SYNE1: variants seen among roughly 807,000 people sequenced by gnomAD.
SYNE1 encodes spectrin repeat containing nuclear envelope protein 1.
SYNE1 carries 616 observed loss-of-function variants against 1,111.0 expected under a neutral mutation model. That is an observed-to-expected ratio of 0.55 (90% CI 0.52 to 0.59). SYNE1 has a LOEUF of 0.59. SYNE1 is among the 20% of genes least tolerant of loss of function. SYNE1 has a pLI of 0.00. For synonymous variants in SYNE1, 3,855 were observed against 3,825.8 expected (o/e 1.01, Z -0.28); for missense variants, 10,006 against 10,417.0 (o/e 0.96, Z 1.72).
At chr6:152,189,550 G>A in intron 127 of SYNE1, 143 bp from the exon 128 acceptor site, 2 of 741,684 alleles carry the variant, frequency 2.7e-6, no homozygotes, top group Non-Finnish European at 2.2e-6. Context: ...GCACATCATG[G>A]CAATATTACA....
Position 152,505,321 on chromosome 6 carries a change from T to C in SYNE1, c.658A>G (p.Ile220Val), listed in dbSNP as rs146053885. 1.9e-6 allele frequency: 3 copies of C among 1,614,158 alleles called. No homozygotes were observed. The highest frequency in any genetic ancestry group is 8.5e-7 in the Non-Finnish European group (1 of 1,180,010). Residue 220 changes from isoleucine (I) to valine (V), a missense_variant, in exon 9 of 146, where the codon ATT becomes GTT. Ile to Val is a conservative substitution (Grantham distance 29, BLOSUM62 3). Transcript: ENST00000367255. ...GVAFHSVIHAIRPELVDLETV... is the reference protein window; with the variant it reads ...GVAFHSVIHAVRPELVDLETV... ...TCCAAGTCCACCAATTCCGGTCGAA[T>C]GGCATGAATAACTGAATGAAAGGCA...
chr6:152,355,020 C>T (rs757814741), intron 66 of SYNE1, 44 bp from the exon 67 acceptor site: 27 of 1,605,336 alleles, frequency 1.7e-5, no homozygotes, highest in Non-Finnish European at 2.0e-5. Flanking sequence ...TCATATTTCA[C>T]ACTTGCATGG....
At chr6:152,433,667 A>G in intron 34 of SYNE1, 128 bp downstream of exon 34, 1 of 1,117,286 alleles carries the variant, frequency 9.0e-7, no homozygotes, top group Admixed American at 1.9e-5. Flanking sequence ...AAAATGTATG[A>G]ATTTAATTTT....
chr6:152,425,168 C>T (rs1017868339), intron 39 of SYNE1, among the ~76,000 whole-genome samples: 1 of 152,130 alleles, frequency 6.6e-6, no homozygotes, highest in Non-Finnish European at 1.5e-5. Flanking sequence ...ATAACTTGCC[C>T]TTATTTTAAG....
chr6:152,325,905 A>C, intron 80 of SYNE1, 53 bp downstream of exon 80: 1 of 1,599,448 alleles, frequency 6.3e-7, no homozygotes, highest in South Asian at 1.1e-5. Context: ...TGTTGCAAAG[A>C]CTCATTATAA....
At chr6:152,184,645 T>C (rs2069215879) in intron 128 of SYNE1, among the ~76,000 whole-genome samples, 1 of 144,864 alleles carries the variant, frequency 6.9e-6, no homozygotes, top group African/African-American at 2.6e-5. Flanking sequence ...GATAGATAGA[T>C]AGATAGATAG....
chr6:152,379,626 A>G (rs78877052), intron 56 of SYNE1, among the ~76,000 whole-genome samples: 133 of 152,306 alleles, frequency 8.7e-4, no homozygotes, highest in African/African-American at 3.0e-3. Context: ...TATTAGAAAT[A>G]AAAGAAAACA....
intron 3 of SYNE1, among the ~76,000 whole-genome samples, chr6:152,605,026 GAGAGA>G (rs2099609790): frequency 1.4e-5 from 1 of 73,246 alleles, no homozygotes; most frequent in African/African-American, 6.3e-5. Context: ...GAGAGAGAGA[GAGAGA>G]GAGAGGGAGG....
chr6:152,376,671 T>G, intron 57 of SYNE1, 105 bp downstream of exon 57: 1 of 1,558,334 alleles, frequency 6.4e-7, no homozygotes, highest in Admixed American at 1.7e-5. Flanking sequence ...CTTAGTAATA[T>G]ATTTAATGCT....
intron 3 of SYNE1, among the ~76,000 whole-genome samples, chr6:152,575,491 T>A (rs2099492696): frequency 6.6e-6 from 1 of 152,176 alleles, no homozygotes; most frequent in Non-Finnish European, 1.5e-5. Flanking sequence ...ACCACAGCTT[T>A]AGAATCTTAA....
chr6:152,262,188 G>A lies in SYNE1; in HGVS notation c.18816C>T (p.Gly6272=), dbSNP rs142296702. Residue 6272 remains glycine, a splice_region_variant and synonymous_variant, in exon 101 of 146, where the codon GGC becomes GGT. Coordinates refer to ENST00000367255, the MANE Select transcript of SYNE1 (RefSeq NM_182961.4). ...CCTGGGATAACACATCAGGTTTTTC[G>A]CTATTAGAAGAATAAATAATCTAAG... The part of the protein sequence containing the change: ...HSAAETSGDA[G]EKPDVLSQEL... The A allele has an allele frequency of 3.2e-5, 52 of 1,613,168 alleles. No homozygotes were observed. In the African/African-American group the frequency reaches 3.9e-4, roughly 12 times the overall value.
rs771545742 is a variant in SYNE1, at chr6:152,326,070, G to T, written c.15326C>A (p.Ala5109Glu). ...CATCAATTCAATAACCTCTTCCCTT[G>T]CTTTCTGGTAATCGTGCCATTGAGC... The part of the protein sequence containing the change: ...CTAQWHDYQK[A>E]REEVIELMND... The change falls in exon 80 of 146, where the codon GCA (alanine) becomes GAA (glutamate). Residue 5109 changes from alanine to glutamate, a missense_variant. By Grantham distance (107) the Ala-to-Glu change is moderately radical. Around this residue, in one of 7 missense-constraint regions of SYNE1, gnomAD observed 4,955 missense variants for 5,017.2 expected, o/e 0.99. Transcript: ENST00000367255. 1.9e-6 allele frequency: 3 copies of T among 1,613,996 alleles called. No homozygotes were observed. The highest frequency in any genetic ancestry group is 2.5e-6 in the Non-Finnish European group (3 of 1,180,026).
intron 11 of SYNE1, among the ~76,000 whole-genome samples, chr6:152,494,457 T>C (rs1257635537): frequency 1.3e-5 from 2 of 152,176 alleles, no homozygotes; most frequent in Admixed American, 6.5e-5. Flanking sequence ...ACTTGGTTTA[T>C]TGATGGCAGT....
At chr6:152,413,260 C>G (rs2098097938) in intron 42 of SYNE1, 92 bp downstream of exon 42, 2 of 1,295,526 alleles carry the variant, frequency 1.5e-6, no homozygotes, top group Admixed American at 3.4e-5. Flanking sequence ...AGATATTTAA[C>G]TACTGATCAC....
At position 152,132,072 on chromosome 6, in the gene SYNE1, C is replaced by T. The variant is rs953485461; in HGVS notation, c.26094+50G>A. 2.6e-6 allele frequency: 4 copies of T among 1,545,220 alleles called. No individual in the cohort carries two copies. The African/African-American group carries it at 4.1e-5, about 16-fold the overall frequency. ...GTGGTGGGTGCAAATACTGTCACTT[C>T]CCAGTGTTCACTCCCATGGGCCAAC... is the stretch of plus-strand genomic sequence containing the variant. On this transcript the variant is annotated intron_variant, in intron 144 of 145. Coordinates refer to ENST00000367255, the MANE Select transcript of SYNE1 (RefSeq NM_182961.4).
At chr6:152,256,389 C>T (rs938202595) in intron 102 of SYNE1, among the ~76,000 whole-genome samples, 9 of 152,086 alleles carry the variant, frequency 5.9e-5, no homozygotes, top group African/African-American at 2.2e-4. Flanking sequence ...GAGATTGCAC[C>T]ACTGCACTCC....
At chr6:152,214,884 A>G in intron 122 of SYNE1, 22 bp downstream of exon 122, 1 of 1,613,974 alleles carries the variant, frequency 6.2e-7, no homozygotes, top group Non-Finnish European at 8.5e-7. Context: ...GGAGCAACCA[A>G]GACATCTCTT....
rs760076679 is a variant in SYNE1, at chr6:152,176,431, C to T, written c.23590G>A (p.Asp7864Asn). The T allele has an allele frequency of 3.2e-5, 51 of 1,614,036 alleles. 1 individual carries two copies. The South Asian group carries it at 4.5e-4, about 14-fold the overall frequency. ...AGGTCCAGGAGATGCTGCCACCGGTCGTTGACCTTTCCCAGCTTGTATTCA... is the reference window on the plus strand; with the variant it reads ...AGGTCCAGGAGATGCTGCCACCGGTTGTTGACCTTTCCCAGCTTGTATTCA... ...EIEYKLGKVN[D>N]RWQHLLDLIA... Residue 7864 changes from aspartate to asparagine, a missense_variant, in exon 130 of 146, where the codon GAC becomes AAC. This residue lies in a region of SYNE1 where 2,182 missense variants were observed against 2,287.8 expected (regional missense o/e 0.95). Coordinates refer to ENST00000367255, the MANE Select transcript of SYNE1 (RefSeq NM_182961.4).
Position 152,385,827 on chromosome 6 carries a change from C to T in SYNE1, c.8499G>A (p.Arg2833=), listed in dbSNP as rs753341560. 6.2e-7 allele frequency: 1 copy of T among 1,614,028 alleles called. No individual in the cohort carries two copies. Among genetic ancestry groups the T allele is most frequent in the Non-Finnish European group, 8.5e-7 (1 of 1,179,960 alleles). The change falls in exon 55 of 146, where the codon AGG becomes AGA. Residue 2833 remains arginine (R), a synonymous_variant. Transcript: ENST00000367255. ...GATCTTTCACAATCTCTTCCACTTT[C>T]CTCATTTTTTCCTAGTAAACAAAGA... ...DIMTVAKEKM[R]KVEEIVKDHL...
Sources: allele counts gnomAD v4.1 joint callset (sites outside exome capture counted in the v4.1 genomes callset), GRCh38; gene constraint gnomAD v4.1.1; regional missense constraint gnomAD v4.1.1; transcripts MANE v1.5; gene names NCBI Gene and HGNC (gene_info 2026-07-23, HGNC 2026-07-21).